Variants in CRYZL1 observed in about 807,000 individuals in gnomAD.
CRYZL1 encodes crystallin zeta like 1.
CRYZL1 carries 34 observed loss-of-function variants against 50.6 expected under a neutral mutation model. That is an observed-to-expected ratio of 0.67 (90% CI 0.51 to 0.89). The LOEUF is 0.89. Ranked by LOEUF, CRYZL1 falls within the 40% of genes least tolerant of loss-of-function variation. The pLI, the probability that CRYZL1 is intolerant of heterozygous loss-of-function variation, is 0.00. For missense variants in CRYZL1, 354 were observed against 402.3 expected, an observed-to-expected ratio of 0.88 and a Z score of 1.03; for synonymous variants, 125 against 134.3, an observed-to-expected ratio of 0.93 and a Z score of 0.48.
intron 4 of CRYZL1, among the ~76,000 whole-genome samples, chr21:33,620,901 TC>T (rs1318497119): frequency 3.3e-5 from 3 of 91,522 alleles, no homozygotes; most frequent in Admixed American, 1.1e-4. Context: ...GGGTGTCCAA[TC>T]TTTTTTTTTT....
Position 33,613,153 on chromosome 21 carries a change from G to A in CRYZL1, c.331+385C>T, listed in dbSNP as rs117060570. 1.6e-3 allele frequency among the ~76,000 whole-genome samples: 240 copies of A among 152,066 alleles called. 1 individual carries two copies. Among genetic ancestry groups the A allele is most frequent in the Middle Eastern group, 6.8e-3 (2 of 294 alleles). ...AGATGAGTGTTCTTGATTCTTTCCCGTCTCAAACTCTCCATGTACTGTCTA... is the reference window on the plus strand; with the variant it reads ...AGATGAGTGTTCTTGATTCTTTCCCATCTCAAACTCTCCATGTACTGTCTA... On this transcript the variant is annotated intron_variant, in intron 6 of 12. Coordinates refer to ENST00000381554, the MANE Select transcript of CRYZL1 (RefSeq NM_145858.3).
chr21:33,603,101 G>A (rs548296110), intron 7 of CRYZL1: 2 of 282,068 alleles, frequency 7.1e-6, no homozygotes, highest in South Asian at 6.4e-5. Context: ...AGCTATTAGG[G>A]AATTCTGGAC....
intron 4 of CRYZL1, among the ~76,000 whole-genome samples, chr21:33,621,522 T>C (rs2087001438): frequency 6.6e-6 from 1 of 151,600 alleles, no homozygotes; most frequent in East Asian, 2.0e-4. Context: ...TTTGTATTTT[T>C]AGTAGTGACG....
chr21:33,599,523 C>T (rs1351617115), intron 8 of CRYZL1, among the ~76,000 whole-genome samples: 3 of 152,174 alleles, frequency 2.0e-5, no homozygotes, highest in African/African-American at 7.2e-5. Context: ...CAAGGCTGGT[C>T]TGTTGACACA....
chr21:33,592,780 G>A (rs760331020), intron 11 of CRYZL1, among the ~76,000 whole-genome samples: 6 of 152,070 alleles, frequency 3.9e-5, no homozygotes, highest in Admixed American at 2.0e-4. Flanking sequence ...GGCTGGGTGC[G>A]GTGGCTAACG....
chr21:33,616,842 G>A, intron 4 of CRYZL1, 92 bp from the exon 5 acceptor site: 2 of 1,157,102 alleles, frequency 1.7e-6, no homozygotes, highest in Non-Finnish European at 2.4e-6. Flanking sequence ...CTGTGGATTT[G>A]TAAAAAGACT....
intron 5 of CRYZL1, chr21:33,616,435 G>A (rs1433502135): frequency 9.1e-6 from 3 of 330,932 alleles, no homozygotes; most frequent in Admixed American, 8.8e-5. Context: ...TGGGATTACA[G>A]GCATGTGCCA....
chr21:33,606,984 C>G (rs952991394), intron 6 of CRYZL1, among the ~76,000 whole-genome samples: 1 of 152,170 alleles, frequency 6.6e-6, no homozygotes. Flanking sequence ...CATTGCACTC[C>G]AGCCTGGGCA....
At position 33,603,396 on chromosome 21, in the gene CRYZL1, G is replaced by A. The variant is rs777447701; in HGVS notation, c.465+8C>T. On this transcript the variant is annotated splice_region_variant and intron_variant, in intron 7 of 12. Transcript: ENST00000381554. ...TGTCTGTTTCTTAACAAAACCATTA[G>A]CACCTACACTTGCTCCATCCATTAT... 1.2e-6 allele frequency: 2 copies of A among 1,613,276 alleles called. No individual in the cohort carries two copies.
chr21:33,609,772 G>A (rs1015612120), intron 6 of CRYZL1, among the ~76,000 whole-genome samples: 1 of 151,700 alleles, frequency 6.6e-6, no homozygotes. Context: ...GCGCGATCTC[G>A]GCTCACTGCA....
chr21:33,622,216 C>T (rs913565292), intron 3 of CRYZL1, 148 bp from the exon 4 acceptor site: 4 of 640,106 alleles, frequency 6.2e-6, no homozygotes, highest in African/African-American at 5.6e-5. Context: ...AATAACTTCA[C>T]AAAATAGGTT....
At position 33,621,989 on chromosome 21, in the gene CRYZL1, T is replaced by C. The variant is rs371780656; in HGVS notation, c.217+7A>G. ...ATAAATACATATACTCACATCTGTA[T>C]ACTTACCATCTAATACAATTCCAGC... On this transcript the variant is annotated splice_region_variant and intron_variant, in intron 4 of 12. Transcript: ENST00000381554. 101 of 1,585,174 alleles carry C rather than the reference T, an allele frequency of 6.4e-5. No homozygotes were observed. Among genetic ancestry groups the C allele is most frequent in the Non-Finnish European group, 8.1e-5 (94 of 1,154,134 alleles).
At chr21:33,612,458 T>A (rs1187819055) in intron 6 of CRYZL1, among the ~76,000 whole-genome samples, 1 of 152,150 alleles carries the variant, frequency 6.6e-6, no homozygotes, top group East Asian at 1.9e-4. Flanking sequence ...GCTAAGATTT[T>A]TTGTATTTTT....
chr21:33,616,000 A>G (rs1006091840), intron 5 of CRYZL1, among the ~76,000 whole-genome samples: 2 of 152,190 alleles, frequency 1.3e-5, no homozygotes, highest in African/African-American at 4.8e-5. Context: ...TTACATATGT[A>G]TACATATGCC....
chr21:33,629,706 A>G (rs1351816410), intron 2 of CRYZL1, among the ~76,000 whole-genome samples: 1 of 152,196 alleles, frequency 6.6e-6, no homozygotes, highest in African/African-American at 2.4e-5. Context: ...CTTCTTTCCA[A>G]TTCGAATGCT....
At chr21:33,602,120 G>C in intron 8 of CRYZL1, 114 bp downstream of exon 8, 1 of 634,394 alleles carries the variant, frequency 1.6e-6, no homozygotes, top group Non-Finnish European at 2.8e-6. Flanking sequence ...GGTTACAGTT[G>C]TGAGCCACTG....
chr21:33,607,183 T>C (rs1381535569), intron 6 of CRYZL1, among the ~76,000 whole-genome samples: 1 of 152,170 alleles, frequency 6.6e-6, no homozygotes, highest in Non-Finnish European at 1.5e-5. Context: ...AACTGAAAAG[T>C]ACAAAAGAGT....
chr21:33,598,624 T>A (rs1569082725), intron 9 of CRYZL1, among the ~76,000 whole-genome samples: 1 of 152,200 alleles, frequency 6.6e-6, no homozygotes, highest in Admixed American at 6.5e-5. Context: ...GGCATGAGAA[T>A]GATGCTGTGT....
chr21:33,635,184 A>G (rs2087189832), intron 1 of CRYZL1, among the ~76,000 whole-genome samples: 1 of 151,986 alleles, frequency 6.6e-6, no homozygotes. Context: ...CAAGGCCCAC[A>G]TGGTTTCCTA....
Sources: gnomAD v4.1 joint callset for allele counts (sites outside exome capture counted in the v4.1 genomes callset) on GRCh38, gnomAD v4.1.1 for gene constraint, MANE v1.5 for transcripts, NCBI Gene and HGNC (gene_info 2026-07-23, HGNC 2026-07-21) for gene names.